EVL: variants seen among roughly 807,000 people sequenced by gnomAD.
EVL encodes the protein Enah/Vasp-like, also known as ena/VASP-like protein.
In EVL, 21 loss-of-function variants were observed where a neutral mutation model predicts 59.6. The observed-to-expected ratio is 0.35, with a 90% CI of 0.25 to 0.51. The LOEUF (loss-of-function observed/expected upper bound fraction) is 0.51, where lower values mean the gene tolerates loss of function less well. EVL is among the 20% of genes least tolerant of loss of function. EVL has a pLI of 0.97. For synonymous variants in EVL, 198 were observed against 203.5 expected, an observed-to-expected ratio of 0.97 and a Z score of 0.23; for missense variants, 462 against 546.6, an observed-to-expected ratio of 0.85 and a Z score of 1.54.
At chr14:100,083,152 TTTG>T (rs986369594) in intron 1 of EVL, among the ~76,000 whole-genome samples, 14 of 152,328 alleles carry the variant, frequency 9.2e-5, no homozygotes, top group African/African-American at 3.4e-4. Context: ...AAACCCATGT[TTTG>T]TTAACCAAGA....
In EVL at chr14:100,114,324, A is replaced by G. The variant is rs1275581026; in HGVS notation, c.359-9215A>G. ...CGCCACACCTACCCTGTTCCATCCC[A>G]TTGCCCACAGGGTTAAGAGGAGTGC... On this transcript the variant is annotated intron_variant, in intron 3 of 13. Transcript: ENST00000392920. This position sits in a 1 kb window ranked among gnomAD's most constrained non-coding sequence, Gnocchi z 5.0. Among the ~76,000 whole-genome samples the G allele has an allele frequency of 6.6e-6, 1 of 151,916 alleles. No homozygotes were observed. The highest frequency in any genetic ancestry group is 1.5e-5 in the Non-Finnish European group (1 of 67,982).
At position 100,127,819 on chromosome 14, in the gene EVL, A is replaced by G. The variant is rs1041912821; in HGVS notation, c.488-700A>G. Among the ~76,000 whole-genome samples the G allele has an allele frequency of 1.4e-4, 21 of 152,196 alleles. No individual in the cohort carries two copies. The highest frequency in any genetic ancestry group is 5.1e-4 in the African/African-American group (21 of 41,452). On this transcript the variant is annotated intron_variant, in intron 5 of 13. Transcript: ENST00000392920. The surrounding 1 kb of genome is among the most constrained non-coding windows in gnomAD (Gnocchi z 4.2). ...ATGGCGCCGTGTGCCTGCCCTTGGT[A>G]ACACTTGTCAGCTTGCCACAGTCCT... is the stretch of plus-strand genomic sequence containing the variant.
At chr14:100,088,706 A>G (rs1335732686) in intron 2 of EVL, among the ~76,000 whole-genome samples, 3 of 152,204 alleles carry the variant, frequency 2.0e-5, no homozygotes, top group Admixed American at 2.0e-4. Flanking sequence ...GTCCATGATT[A>G]TATATGGAGT....
At position 100,133,252 on chromosome 14, in the gene EVL, T is replaced by G. The variant is rs555609672; in HGVS notation, c.900+473T>G. Among the ~76,000 whole-genome samples the G allele has an allele frequency of 2.6e-5, 4 of 152,338 alleles. 1 individual carries two copies. The highest frequency in any genetic ancestry group is 2.6e-4 in the Admixed American group (4 of 15,302). ...GGCAAAGGAGCCCTGGACCCCTGGC[T>G]CTTGTCCTTACCAGGCAGCCCAGAG... On this transcript the variant is annotated intron_variant, in intron 8 of 13. Transcript: ENST00000392920.
chr14:100,072,188 A>G (rs899470875), intron 1 of EVL, among the ~76,000 whole-genome samples: 1 of 152,214 alleles, frequency 6.6e-6, no homozygotes, highest in East Asian at 1.9e-4. Context: ...CAGATCCTAC[A>G]TCCCAAAAAA....
chr14:100,006,583 G>T (rs551814792), intron 1 of EVL, among the ~76,000 whole-genome samples: 1 of 151,870 alleles, frequency 6.6e-6, no homozygotes. Context: ...CACTGCGCCC[G>T]GCATGTTAAT....
chr14:100,035,129 A>AT (rs1566977611), intron 1 of EVL, among the ~76,000 whole-genome samples: 1 of 152,120 alleles, frequency 6.6e-6, no homozygotes, highest in African/African-American at 2.4e-5. Context: ...TATTCCTCAA[A>AT]TTTTCTTTCT....
At chr14:99,986,531 A>T (rs1376389412) in intron 1 of EVL, among the ~76,000 whole-genome samples, 2 of 152,196 alleles carry the variant, frequency 1.3e-5, no homozygotes, top group Non-Finnish European at 2.9e-5. Context: ...TGGTGCCTTC[A>T]CAAGATCAGA....
chr14:100,074,137 TG>T (rs2062111460), intron 1 of EVL, among the ~76,000 whole-genome samples: 1 of 152,162 alleles, frequency 6.6e-6, no homozygotes, highest in Non-Finnish European at 1.5e-5. Context: ...CCTCCACAGT[TG>T]ATCTGGGCCA....
chr14:100,103,610 GC>G (rs141307164), intron 3 of EVL, among the ~76,000 whole-genome samples: 3 of 151,882 alleles, frequency 2.0e-5, no homozygotes, highest in Non-Finnish European at 4.4e-5. Flanking sequence ...GACTTCTGTG[GC>G]CCCCCATGCC....
chr14:99,988,063 C>T (rs566979645), intron 1 of EVL, among the ~76,000 whole-genome samples: 2 of 151,870 alleles, frequency 1.3e-5, no homozygotes, highest in African/African-American at 4.8e-5. Flanking sequence ...TACAGGCATG[C>T]ACCACCACAC....
chr14:100,055,196 TAA>T (rs34987173), intron 1 of EVL, among the ~76,000 whole-genome samples: 10 of 139,826 alleles, frequency 7.2e-5, no homozygotes, highest in African/African-American at 1.0e-4. Flanking sequence ...TGAGACTCCT[TAA>T]AAAAAAAAAA....
At chr14:100,065,943 G>A (rs575709463) in intron 1 of EVL, among the ~76,000 whole-genome samples, 1 of 152,258 alleles carries the variant, frequency 6.6e-6, no homozygotes, top group South Asian at 2.1e-4. Flanking sequence ...TTTTATGATA[G>A]GAACTTCATG....
exon 1 of EVL, chr14:99,971,455 GC>G (rs1423272561): frequency 6.6e-6 from 1 of 151,826 alleles, no homozygotes; most frequent in Non-Finnish European, 1.5e-5. Context: ...GGACGGTGGG[GC>G]CCCGCGCCTT....
Position 100,128,689 on chromosome 14 carries a change from A to G in EVL, c.658A>G (p.Ser220Gly), listed in dbSNP as rs1440776451. 2 of 1,606,666 alleles carry G rather than the reference A, an allele frequency of 1.2e-6. No homozygotes were observed. The highest frequency in any genetic ancestry group is 1.7e-6 in the Non-Finnish European group (2 of 1,178,608). ...AGCCCAGGGGTCCAGCCACGACGAG[A>G]GCTCCATGTCAGGACTGGCCGCTGC... is the stretch of plus-strand genomic sequence containing the variant. ...GGAQGSSHDESSMSGLAAAIA... is the reference protein window; with the variant it reads ...GGAQGSSHDEGSMSGLAAAIA... Residue 220 changes from serine (S) to glycine (G), a missense_variant, in exon 6 of 14, where the codon AGC (serine) becomes GGC (glycine). Physicochemically the swap from Ser to Gly is moderately conservative, Grantham distance 56 (BLOSUM62 0). Transcript: ENST00000392920.
intron 2 of EVL, among the ~76,000 whole-genome samples, chr14:100,096,682 T>C (rs749561985): frequency 4.5e-4 from 68 of 152,224 alleles, no homozygotes; most frequent in Non-Finnish European, 8.1e-4. Context: ...GAATATAGTC[T>C]TAAAGTACTT....
At position 100,087,912 on chromosome 14, in the gene EVL, A is replaced by G. The variant is rs138919467; in HGVS notation, c.180+3057A>G. 5.3e-3 allele frequency among the ~76,000 whole-genome samples: 801 copies of G among 152,316 alleles called. 3 individuals carry two copies. The highest frequency in any genetic ancestry group is 0.02 in the Middle Eastern group (6 of 294). On this transcript the variant is annotated intron_variant, in intron 2 of 13. Coordinates refer to ENST00000392920, the MANE Select transcript of EVL (RefSeq NM_016337.3). ...CTGAAAGCGGGATAATATGGGGAAC[A>G]ATCGAAGGAGTAACAAGAGATATTT...
At chr14:100,115,193 C>A (rs1887256922) in intron 3 of EVL, among the ~76,000 whole-genome samples, 2 of 152,168 alleles carry the variant, frequency 1.3e-5, no homozygotes, top group South Asian at 4.1e-4. Context: ...AAAGAATATT[C>A]TGCAGGGAAA....
At chr14:100,044,017 T>C (rs892915581) in intron 1 of EVL, among the ~76,000 whole-genome samples, 2 of 152,186 alleles carry the variant, frequency 1.3e-5, no homozygotes, top group Non-Finnish European at 2.9e-5. Flanking sequence ...AGGGTAGGTC[T>C]TCCCTACTCA....
Sources: allele counts gnomAD v4.1 joint callset (sites outside exome capture counted in the v4.1 genomes callset), GRCh38; gene constraint gnomAD v4.1.1; non-coding constraint Gnocchi (gnomAD v3.1); transcripts MANE v1.5; gene names NCBI Gene and HGNC (gene_info 2026-07-23, HGNC 2026-07-21).